DLG2: variants seen among roughly 807,000 people sequenced by gnomAD.
The protein encoded by DLG2 is discs large MAGUK scaffold protein 2.
Under a neutral mutation model 132.5 loss-of-function variants are expected in DLG2, and 45 were observed. That is an observed-to-expected ratio of 0.34 (90% CI 0.27 to 0.44). The LOEUF (loss-of-function observed/expected upper bound fraction) is 0.44, where lower values mean the gene tolerates loss of function less well. Ranked by LOEUF, DLG2 falls within the 20% of genes least tolerant of loss-of-function variation. DLG2 has a pLI of 1.00. For synonymous variants in DLG2, 424 were observed against 419.6 expected (o/e 1.01, Z -0.13); for missense variants, 1,045 against 1,196.9 (o/e 0.87, Z 1.87).
intron 6 of DLG2, among the ~76,000 whole-genome samples, chr11:84,540,378 C>G (rs1555015530): frequency 6.7e-6 from 1 of 150,054 alleles, no homozygotes; most frequent in Non-Finnish European, 1.5e-5. Flanking sequence ...AAAAAGTGGG[C>G]AAAGGATATG....
rs1055990776 is a variant in DLG2 at position 84,376,084 on chromosome 11, TCA to T, written c.520-124795_520-124794del. ...AAGAGAAATAGCCATGTTAATGTGT[TCA>T]CAAAGTATTCACTCTAAGTTTGCTT... On this transcript the variant is annotated intron_variant, in intron 7 of 27. Coordinates refer to ENST00000376104, the MANE Select transcript of DLG2 (RefSeq NM_001142699.3). 4.6e-5 allele frequency among the ~76,000 whole-genome samples: 7 copies of T among 152,010 alleles called. No homozygotes were observed. In the South Asian group the frequency reaches 1.4e-3, roughly 31 times the overall value.
Position 83,691,678 on chromosome 11 carries a change from G to C in DLG2, c.1826-58353C>G, listed in dbSNP as rs148771720. The stretch of plus-strand genomic sequence containing the variant: ...CTCTGCCCAGTGGAGATCAGAAGCC[G>C]ATAGAAGATACTCTGCATATGCTTT... On this transcript the variant is annotated intron_variant, in intron 18 of 27. Transcript: ENST00000376104. Among the ~76,000 whole-genome samples, 94 of 152,220 alleles carry C rather than the reference G, an allele frequency of 6.2e-4. 1 individual carries two copies. The East Asian group carries it at 0.017, about 28-fold the overall frequency.
chr11:83,889,417 A>T (rs10898174), intron 15 of DLG2, among the ~76,000 whole-genome samples: 1 of 150,226 alleles, frequency 6.7e-6, no homozygotes, highest in Admixed American at 6.6e-5. Flanking sequence ...ATACCATCTC[A>T]CACCAGTTAG....
intron 3 of DLG2, among the ~76,000 whole-genome samples, chr11:85,406,280 A>G (rs905376100): frequency 1.3e-5 from 2 of 151,870 alleles, no homozygotes; most frequent in Non-Finnish European, 2.9e-5. Context: ...AAAAAAAAAA[A>G]GAAGGAAAAA....
At chr11:84,158,605 C>T (rs2095481209) in intron 9 of DLG2, among the ~76,000 whole-genome samples, 1 of 152,188 alleles carries the variant, frequency 6.6e-6, no homozygotes, top group Admixed American at 6.5e-5. Context: ...GAGTTAGCAA[C>T]ATCTACCTCA....
chr11:84,738,478 A>C (rs1010200261), intron 6 of DLG2, among the ~76,000 whole-genome samples: 3 of 152,180 alleles, frequency 2.0e-5, no homozygotes, highest in Non-Finnish European at 4.4e-5. Flanking sequence ...TGATTTCAAT[A>C]TACTAGGTAT....
chr11:83,886,875 A>G (rs541178383), intron 15 of DLG2, among the ~76,000 whole-genome samples: 9 of 150,530 alleles, frequency 6.0e-5, no homozygotes, highest in African/African-American at 2.2e-4. Flanking sequence ...ATGAAGGCAG[A>G]AATAAAGATG....
intron 6 of DLG2, among the ~76,000 whole-genome samples, chr11:85,072,769 T>C (rs969569652): frequency 5.9e-5 from 9 of 151,868 alleles, no homozygotes; most frequent in Non-Finnish European, 1.0e-4. Flanking sequence ...GTAGGCTGCA[T>C]GGGCTGCCAA....
At chr11:84,398,847 G>A (rs1226889854) in intron 7 of DLG2, among the ~76,000 whole-genome samples, 2 of 152,160 alleles carry the variant, frequency 1.3e-5, no homozygotes, top group Non-Finnish European at 2.9e-5. Context: ...AGCACAAGAT[G>A]TATTCTATAC....
At chr11:83,761,559 C>T (rs890912176) in intron 18 of DLG2, among the ~76,000 whole-genome samples, 4 of 152,178 alleles carry the variant, frequency 2.6e-5, no homozygotes, top group Non-Finnish European at 4.4e-5. Context: ...GTCTGAATTG[C>T]ATTTGTATGC....
chr11:83,897,837 G>T (rs1241032053), intron 15 of DLG2, among the ~76,000 whole-genome samples: 1 of 152,160 alleles, frequency 6.6e-6, no homozygotes. Context: ...TACTTATTTA[G>T]AAATTACTAT....
chr11:84,575,360 A>T (rs2099496877), intron 6 of DLG2, among the ~76,000 whole-genome samples: 1 of 150,216 alleles, frequency 6.7e-6, no homozygotes, highest in Admixed American at 6.7e-5. Context: ...CACATTCTCC[A>T]CCCCTCCCTC....
chr11:85,024,025 G>A (rs1222105172), intron 6 of DLG2, among the ~76,000 whole-genome samples: 1 of 152,022 alleles, frequency 6.6e-6, no homozygotes, highest in Non-Finnish European at 1.5e-5. Flanking sequence ...TTGTCAAATC[G>A]TGAGGTGACA....
intron 7 of DLG2, among the ~76,000 whole-genome samples, chr11:84,460,886 C>A (rs942115814): frequency 6.6e-6 from 1 of 150,708 alleles, no homozygotes; most frequent in African/African-American, 2.4e-5. Flanking sequence ...CCTAAATCCA[C>A]ATTCTAAGTG....
chr11:85,022,214 GA>G (rs1389136954), intron 6 of DLG2, among the ~76,000 whole-genome samples: 1 of 151,400 alleles, frequency 6.6e-6, no homozygotes, highest in Non-Finnish European at 1.5e-5. Flanking sequence ...CAAGATATTA[GA>G]AAAAATGCAA....
At chr11:83,947,178 C>T (rs1314656220) in intron 14 of DLG2, among the ~76,000 whole-genome samples, 2 of 152,056 alleles carry the variant, frequency 1.3e-5, no homozygotes, top group Non-Finnish European at 2.9e-5. Context: ...TTTATGATAC[C>T]TGAATGGGAA....
At chr11:85,015,354 A>T (rs897282260) in intron 6 of DLG2, among the ~76,000 whole-genome samples, 2 of 151,812 alleles carry the variant, frequency 1.3e-5, no homozygotes, top group Admixed American at 1.3e-4. Context: ...TTCTTTAATT[A>T]TAAGAGACAA....
At chr11:83,907,415 C>G (rs1421821139) in intron 15 of DLG2, among the ~76,000 whole-genome samples, 2 of 152,100 alleles carry the variant, frequency 1.3e-5, no homozygotes, top group African/African-American at 2.4e-5. Context: ...GATCATGTGA[C>G]CTTCCTTTGG....
intron 7 of DLG2, among the ~76,000 whole-genome samples, chr11:84,376,983 T>C (rs2098731955): frequency 6.6e-6 from 1 of 152,032 alleles, no homozygotes. Flanking sequence ...AAAGATATTA[T>C]GTGAAAAGAC....
Sources: gnomAD v4.1 joint callset for allele counts (sites outside exome capture counted in the v4.1 genomes callset) on GRCh38, gnomAD v4.1.1 for gene constraint, MANE v1.5 for transcripts, NCBI Gene and HGNC (gene_info 2026-07-23, HGNC 2026-07-21) for gene names.